LCLAT1: variants seen among roughly 807,000 people sequenced by gnomAD.
LCLAT1 encodes lysocardiolipin acyltransferase 1, also known as 1-AGP acyltransferase 8.
Under a neutral mutation model 30.7 loss-of-function variants are expected in LCLAT1, and 11 were observed. The observed-to-expected ratio is 0.36, with a 90% confidence interval of 0.23 to 0.59. The LOEUF is 0.59. Among genes scored for constraint, LCLAT1 ranks in the 20% least tolerant of loss-of-function variants. LCLAT1 has a pLI of 0.77. For synonymous variants in LCLAT1, 155 were observed against 151.3 expected (o/e 1.02, Z -0.18); for missense variants, 402 against 458.6 (o/e 0.88, Z 1.13).
intron 3 of LCLAT1, among the ~76,000 whole-genome samples, chr2:30,560,133 T>A (rs1158066854): frequency 6.6e-6 from 1 of 152,158 alleles, no homozygotes; most frequent in African/African-American, 2.4e-5. Context: ...TCATGTCCAA[T>A]ATTGGTGGAT....
intron 5 of LCLAT1, among the ~76,000 whole-genome samples, chr2:30,622,455 ATGCTTTC>A (rs1668308394): frequency 6.6e-6 from 1 of 152,172 alleles, no homozygotes; most frequent in Non-Finnish European, 1.5e-5. Context: ...ACCACAGCTG[ATGCTTTC>A]TGGAAAGTGC....
At chr2:30,628,414 T>C (rs1485898677) in intron 5 of LCLAT1, among the ~76,000 whole-genome samples, 2 of 152,260 alleles carry the variant, frequency 1.3e-5, no homozygotes, top group Non-Finnish European at 2.9e-5. Context: ...ATAAGGTATT[T>C]GTTTTGGAAT....
chr2:30,586,384 C>T (rs1666442545), intron 5 of LCLAT1, among the ~76,000 whole-genome samples: 1 of 152,130 alleles, frequency 6.6e-6, no homozygotes, highest in African/African-American at 2.4e-5. Context: ...TCTTGGTTGC[C>T]ATCAGTCTTA....
chr2:30,477,817 G>C, intron 1 of LCLAT1, among the ~76,000 whole-genome samples: 1 of 152,154 alleles, frequency 6.6e-6, no homozygotes, highest in East Asian at 1.9e-4. Flanking sequence ...ATATTTTAAT[G>C]AAAGTAGGAG....
Position 30,469,502 on chromosome 2 carries a change from G to A in LCLAT1, c.-5+22119G>A, listed in dbSNP as rs186059481. 4.0e-5 allele frequency among the ~76,000 whole-genome samples: 6 copies of A among 150,434 alleles called. No individual in the cohort carries two copies. In the East Asian group the frequency reaches 5.8e-4, roughly 15 times the overall value. On this transcript the variant is annotated intron_variant, in intron 1 of 5. Coordinates refer to ENST00000379509, the MANE Select transcript of LCLAT1 (RefSeq NM_001002257.3). The stretch of plus-strand genomic sequence containing the variant: ...TCCATTGAATGGTCTTTGCACCCTC[G>A]TTGAAAATCAGTTGGCCATAGATGT...
At chr2:30,636,541 T>C (rs957484818) in intron 5 of LCLAT1, among the ~76,000 whole-genome samples, 6 of 152,140 alleles carry the variant, frequency 3.9e-5, no homozygotes, top group African/African-American at 1.4e-4. Flanking sequence ...AGGCAGTCTG[T>C]GTCCACAGCC....
chr2:30,573,795 A>G (rs115531497), intron 5 of LCLAT1, among the ~76,000 whole-genome samples: 2,199 of 152,232 alleles, frequency 0.014, 52 homozygotes, highest in African/African-American at 0.049. Context: ...TTTTTTCTCA[A>G]GCCTTCAGCA....
intron 1 of LCLAT1, among the ~76,000 whole-genome samples, chr2:30,449,015 G>A (rs1487731658): frequency 6.6e-6 from 1 of 152,166 alleles, no homozygotes; most frequent in African/African-American, 2.4e-5. Flanking sequence ...TGAATCCGGG[G>A]ACTTATATGT....
intron 5 of LCLAT1, among the ~76,000 whole-genome samples, chr2:30,568,508 T>TC (rs1299739562): frequency 2.9e-5 from 4 of 140,082 alleles, no homozygotes; most frequent in African/African-American, 1.1e-4. Flanking sequence ...TTTCTTTCTT[T>TC]TTTTTTTTTT....
chr2:30,525,887 T>C (rs1685694962), intron 2 of LCLAT1, 132 bp downstream of exon 2: 5 of 691,168 alleles, frequency 7.2e-6, no homozygotes, highest in Non-Finnish European at 1.2e-5. Flanking sequence ...TCTGTATGCT[T>C]TAAATAATCT....
intron 1 of LCLAT1, among the ~76,000 whole-genome samples, chr2:30,516,769 C>T (rs1685205536): frequency 6.6e-6 from 1 of 152,192 alleles, no homozygotes; most frequent in Admixed American, 6.5e-5. Flanking sequence ...CTTTGACTTG[C>T]TATTCTGTCC....
Position 30,556,412 on chromosome 2 carries a change from A to G in LCLAT1, c.365-5734A>G, listed in dbSNP as rs1664920693. Among the ~76,000 whole-genome samples the G allele has an allele frequency of 2.6e-5, 4 of 152,284 alleles. No individual in the cohort carries two copies. The South Asian group carries it at 8.3e-4, about 32-fold the overall frequency. On this transcript the variant is annotated intron_variant, in intron 3 of 5. Transcript: ENST00000379509. ...GAGAACAAAGGGAGGGAACAAAGGA[A>G]ATTAATTTCAATTAAGACAGAAAAT...
chr2:30,514,774 A>G (rs913466489), intron 1 of LCLAT1, among the ~76,000 whole-genome samples: 4 of 152,224 alleles, frequency 2.6e-5, no homozygotes, highest in African/African-American at 7.2e-5. Flanking sequence ...ATTTTTGCCA[A>G]CAAGTCCCAT....
intron 1 of LCLAT1, among the ~76,000 whole-genome samples, chr2:30,510,831 A>AATTTTTGCTAATC (rs1684906059): frequency 1.3e-5 from 2 of 151,880 alleles, no homozygotes; most frequent in African/African-American, 2.4e-5. Context: ...GGTCGTGTAT[A>AATTTTTGCTAATC]ATTTTTGCTA....
rs1270312970 is a variant in LCLAT1, at chr2:30,585,639, A to T, written c.628+17463A>T. ...AGATCTCTCTTCCCTTAATACCCTT[A>T]TGCTTTTTCCCTATCCATAATCATC... is the stretch of plus-strand genomic sequence containing the variant. On this transcript the variant is annotated intron_variant, in intron 5 of 5. Coordinates refer to ENST00000379509, the MANE Select transcript of LCLAT1 (RefSeq NM_001002257.3). 2.6e-5 allele frequency among the ~76,000 whole-genome samples: 4 copies of T among 152,110 alleles called. No homozygotes were observed. The East Asian group carries it at 7.7e-4, about 29-fold the overall frequency.
At chr2:30,629,801 CTTT>C (rs1668685692) in intron 5 of LCLAT1, among the ~76,000 whole-genome samples, 1 of 151,982 alleles carries the variant, frequency 6.6e-6, no homozygotes, top group African/African-American at 2.4e-5. Context: ...AATATGAAAA[CTTT>C]TTTTAATGTG....
Position 30,640,777 on chromosome 2 carries a change from T to C in LCLAT1, c.*158T>C, listed in dbSNP as rs1408306736. On this transcript the variant is annotated 3_prime_UTR_variant, in exon 6 of 6. Coordinates refer to ENST00000379509, the MANE Select transcript of LCLAT1 (RefSeq NM_001002257.3). ...TGCACTTAATTTTGTGGGAAAAATA[T>C]TGCTACAATTTTTTTTAATCTCTGA... 1.1e-6 allele frequency: 1 copy of C among 902,648 alleles called. No homozygotes were observed. Among genetic ancestry groups the C allele is most frequent in the African/African-American group, 1.7e-5 (1 of 59,170 alleles). The allele number at this position is 902,648 out of a possible 1,614,324, so 55.9% of individuals were successfully genotyped here. A position where few individuals can be genotyped will look rare whatever the true frequency, so the allele number is the denominator to read the frequency against.
intron 1 of LCLAT1, among the ~76,000 whole-genome samples, chr2:30,454,612 C>T (rs1165554350): frequency 3.4e-5 from 5 of 146,734 alleles, no homozygotes; most frequent in Non-Finnish European, 7.5e-5. Flanking sequence ...GCCACCGCGT[C>T]TGGCTAATTT....
intron 1 of LCLAT1, among the ~76,000 whole-genome samples, chr2:30,493,829 G>T (rs1031176915): frequency 6.6e-6 from 1 of 152,112 alleles, no homozygotes; most frequent in African/African-American, 2.4e-5. Context: ...GGTCATGAAA[G>T]TTCTTAGTAC....
Sources: allele counts gnomAD v4.1 joint callset (sites outside exome capture counted in the v4.1 genomes callset), GRCh38; gene constraint gnomAD v4.1.1; transcripts MANE v1.5; gene names NCBI Gene and HGNC (gene_info 2026-07-23, HGNC 2026-07-21).